SORCS1: variants seen among roughly 807,000 people sequenced by gnomAD.
SORCS1 encodes VPS10 domain-containing receptor SorCS1.
Under a neutral mutation model 146.1 loss-of-function variants are expected in SORCS1, and 60 were observed. The observed-to-expected ratio is 0.41, with a 90% CI of 0.33 to 0.51. The LOEUF (loss-of-function observed/expected upper bound fraction) is 0.51. Ranked by LOEUF, SORCS1 falls within the 20% of genes least tolerant of loss-of-function variation. The pLI is 0.21. For synonymous variants in SORCS1, 637 were observed against 584.0 expected (o/e 1.09, Z -1.31); for missense variants, 1,352 against 1,487.6 (o/e 0.91, Z 1.50).
intron 1 of SORCS1, among the ~76,000 whole-genome samples, chr10:107,125,804 T>C (rs1966681314): frequency 2.6e-5 from 4 of 152,194 alleles, no homozygotes. Context: ...AATAGGATTT[T>C]AACATTTCCA....
chr10:106,884,804 T>C (rs1217956327), intron 2 of SORCS1, among the ~76,000 whole-genome samples: 1 of 152,214 alleles, frequency 6.6e-6, no homozygotes. Flanking sequence ...TTTTTTTTCA[T>C]ACTAAAAAGT....
chr10:107,007,530 C>T (rs7075315), intron 1 of SORCS1, among the ~76,000 whole-genome samples: 7,482 of 152,274 alleles, frequency 0.049, 604 homozygotes, highest in African/African-American at 0.17. Flanking sequence ...CTCCAGCCCC[C>T]GCTGAGCCTC....
At chr10:106,637,625 A>G (rs781303052) in intron 18 of SORCS1, among the ~76,000 whole-genome samples, 43 of 152,210 alleles carry the variant, frequency 2.8e-4, no homozygotes, top group Non-Finnish European at 4.4e-4. Context: ...CAATTTTTCT[A>G]GAGAACTCAG....
intron 1 of SORCS1, among the ~76,000 whole-genome samples, chr10:106,993,133 C>T (rs533946021): frequency 6.6e-6 from 1 of 151,694 alleles, no homozygotes; most frequent in Admixed American, 6.6e-5. Context: ...CCCAGCCGGG[C>T]CTGGCTAATT....
chr10:106,973,656 C>T (rs566609510), intron 1 of SORCS1, among the ~76,000 whole-genome samples: 1 of 152,312 alleles, frequency 6.6e-6, no homozygotes, highest in East Asian at 1.9e-4. Flanking sequence ...TTGAACCTCT[C>T]CTTTAGGTTT....
At chr10:107,146,060 T>C (rs775615337) in intron 1 of SORCS1, among the ~76,000 whole-genome samples, 1 of 152,202 alleles carries the variant, frequency 6.6e-6, no homozygotes, top group Non-Finnish European at 1.5e-5. Flanking sequence ...CATCCTTATA[T>C]AACAGAATTT....
intron 4 of SORCS1, among the ~76,000 whole-genome samples, chr10:106,771,113 T>C (rs952797297): frequency 2.0e-5 from 3 of 152,200 alleles, no homozygotes; most frequent in Non-Finnish European, 4.4e-5. Flanking sequence ...CTCTCCCCTT[T>C]ACAAATCACG....
intron 2 of SORCS1, among the ~76,000 whole-genome samples, chr10:106,849,461 A>G (rs1490582277): frequency 7.0e-6 from 1 of 142,446 alleles, no homozygotes; most frequent in East Asian, 2.1e-4. Context: ...ACTTCTCTGT[A>G]TTGGTTATTC....
Position 106,750,707 on chromosome 10 carries a change from C to T in SORCS1, c.959+10881G>A, listed in dbSNP as rs547058173. Among the ~76,000 whole-genome samples the T allele has an allele frequency of 3.5e-3, 363 of 104,858 alleles. 8 individuals are homozygous for T. Among genetic ancestry groups the T allele is most frequent in the African/African-American group, 0.013 (351 of 27,216 alleles). The allele number at this position is 104,858 out of a possible 152,430, so 68.8% of individuals were successfully genotyped here. A position where few individuals can be genotyped will look rare whatever the true frequency, so the allele number is the denominator to read the frequency against. On this transcript the variant is annotated intron_variant, in intron 5 of 25. Transcript: ENST00000263054. ...TCGCACCACTGCACTCCAGACTGGG[C>T]GACAGGGTGAGACTCCCTCTCAAAA...
chr10:107,176,602 A>T, the SORCS1 span, among the ~76,000 whole-genome samples: 2 of 152,172 alleles, frequency 1.3e-5, no homozygotes, highest in East Asian at 3.9e-4. Flanking sequence ...GGCCTCCCAA[A>T]GTGCTGGGAT....
intron 2 of SORCS1, among the ~76,000 whole-genome samples, chr10:106,950,994 A>G (rs1317055399): frequency 6.6e-6 from 1 of 152,172 alleles, no homozygotes; most frequent in African/African-American, 2.4e-5. Flanking sequence ...CGAAGAGAAA[A>G]TATCCACATG....
chr10:107,117,316 A>G (rs999072389), intron 1 of SORCS1, among the ~76,000 whole-genome samples: 13 of 152,348 alleles, frequency 8.5e-5, no homozygotes, highest in African/African-American at 2.9e-4. Flanking sequence ...AGAGAGGTAT[A>G]TATCTGAGAA....
At chr10:106,964,678 G>A (rs1328792204) in intron 1 of SORCS1, among the ~76,000 whole-genome samples, 1 of 151,960 alleles carries the variant, frequency 6.6e-6, no homozygotes, top group African/African-American at 2.4e-5. Flanking sequence ...AGTAGAGACG[G>A]TGTTTCACTG....
intron 5 of SORCS1, among the ~76,000 whole-genome samples, chr10:106,749,943 A>C (rs543939365): frequency 3.2e-4 from 49 of 152,210 alleles, no homozygotes; most frequent in Non-Finnish European, 6.3e-4. Flanking sequence ...ATTCTGGCAA[A>C]GGTATTCTGA....
At chr10:107,097,730 G>C (rs1470112598) in intron 1 of SORCS1, among the ~76,000 whole-genome samples, 2 of 152,200 alleles carry the variant, frequency 1.3e-5, no homozygotes, top group African/African-American at 4.8e-5. Context: ...TTTAGGACCA[G>C]AGGTGATAGC....
At chr10:106,981,340 T>C (rs993213633) in intron 1 of SORCS1, among the ~76,000 whole-genome samples, 1 of 152,202 alleles carries the variant, frequency 6.6e-6, no homozygotes, top group Non-Finnish European at 1.5e-5. Flanking sequence ...ATCTGAATTC[T>C]AGTGCAATTG....
intron 1 of SORCS1, among the ~76,000 whole-genome samples, chr10:107,033,178 G>A (rs964952036): frequency 6.6e-6 from 1 of 152,120 alleles, no homozygotes; most frequent in Admixed American, 6.5e-5. Context: ...GCAGGAAAGA[G>A]AATGTGCGCA....
At chr10:107,083,489 C>T (rs1055118907) in intron 1 of SORCS1, among the ~76,000 whole-genome samples, 4 of 152,044 alleles carry the variant, frequency 2.6e-5, no homozygotes, top group African/African-American at 9.7e-5. Context: ...AGTTAAAACC[C>T]TTGATGACTA....
intron 2 of SORCS1, among the ~76,000 whole-genome samples, chr10:106,896,634 T>C (rs1951490626): frequency 6.6e-6 from 1 of 151,700 alleles, no homozygotes; most frequent in African/African-American, 2.4e-5. Flanking sequence ...ATTAAGATGG[T>C]TAATTTTAGG....
Sources: gnomAD v4.1 joint callset for allele counts (sites outside exome capture counted in the v4.1 genomes callset) on GRCh38, gnomAD v4.1.1 for gene constraint, MANE v1.5 for transcripts, NCBI Gene and HGNC (gene_info 2026-07-23, HGNC 2026-07-21) for gene names.